Variants in SASH1 observed in about 807,000 individuals in gnomAD.
SASH1 encodes the protein SAM and SH3 domain-containing protein 1.
Under a neutral mutation model 125.2 loss-of-function variants are expected in SASH1, and 44 were observed. The ratio of observed to expected loss-of-function variants is 0.35; its 90% CI spans 0.28 to 0.45. The LOEUF (loss-of-function observed/expected upper bound fraction) is 0.45, where lower values mean the gene tolerates loss of function less well. SASH1 is among the 20% of genes least tolerant of loss of function. The probability of loss-of-function intolerance (pLI) is 1.00; values close to 1 mark genes in which losing one functional copy is unlikely to be tolerated. For missense variants in SASH1, 1,426 were observed against 1,614.5 expected (o/e 0.88, Z 2.00); for synonymous variants, 639 against 649.1 (o/e 0.98, Z 0.24).
chr6:148,459,227 T>C (rs538644179), intron 4 of SASH1, among the ~76,000 whole-genome samples: 85 of 152,084 alleles, frequency 5.6e-4, no homozygotes, highest in Non-Finnish European at 8.8e-4. Flanking sequence ...AAGAAAAATA[T>C]GGCCCAGATG....
the SASH1 span, among the ~76,000 whole-genome samples, chr6:148,212,973 T>C: frequency 6.6e-6 from 1 of 152,188 alleles, no homozygotes; most frequent in African/African-American, 2.4e-5. Flanking sequence ...GGGACATCAC[T>C]AAGCTTCTCC....
Position 148,440,220 on chromosome 6 carries a change from C to T in SASH1, c.322C>T (p.Arg108Trp), listed in dbSNP as rs183546632. The part of the protein sequence containing the change: ...PDASPTSLQL[R>W]SQIEESLGFC... ...TGCTAGCCCCACGTCACTTCAGCTG[C>T]GGTCCCAGATCGAAGTAAGCACAAT... The change falls in exon 3 of 20, where the codon CGG (arginine) becomes TGG (tryptophan). Residue 108 changes from arginine to tryptophan, a missense_variant. Coordinates refer to ENST00000367467, the MANE Select transcript of SASH1 (RefSeq NM_015278.5). 8.7e-6 allele frequency: 14 copies of T among 1,613,970 alleles called. No homozygotes were observed. The East Asian group carries it at 1.3e-4, about 15-fold the overall frequency.
At chr6:148,366,305 C>A (rs1197474845) in intron 1 of SASH1, among the ~76,000 whole-genome samples, 1 of 151,838 alleles carries the variant, frequency 6.6e-6, no homozygotes, top group Non-Finnish European at 1.5e-5. Context: ...CCAAAAAAAA[C>A]CCATAGAGAT....
intron 8 of SASH1, among the ~76,000 whole-genome samples, chr6:148,501,888 G>C (rs73015018): frequency 6.6e-6 from 1 of 152,144 alleles, no homozygotes; most frequent in African/African-American, 2.4e-5. Flanking sequence ...TCATGGGGGC[G>C]ATTAAAAACG....
At chr6:148,209,696 T>C in the SASH1 span, among the ~76,000 whole-genome samples, 2 of 152,152 alleles carry the variant, frequency 1.3e-5, no homozygotes, top group South Asian at 4.1e-4. Context: ...CTGGGAGAAA[T>C]GCATTTTAGC....
intron 1 of SASH1, among the ~76,000 whole-genome samples, chr6:148,292,400 G>T (rs1779659446): frequency 6.6e-6 from 1 of 152,158 alleles, no homozygotes; most frequent in Non-Finnish European, 1.5e-5. Context: ...TGGGATATGG[G>T]CTAATGGAGC....
the SASH1 span, among the ~76,000 whole-genome samples, chr6:148,218,177 A>G: frequency 6.6e-6 from 1 of 152,098 alleles, no homozygotes; most frequent in Non-Finnish European, 1.5e-5. Flanking sequence ...AAAGTCAAGC[A>G]CTTTTGAAAA....
rs1197585257 is a variant in SASH1 at position 148,451,556 on chromosome 6, G to A, written c.386+11149G>A. On this transcript the variant is annotated intron_variant, in intron 4 of 19. Coordinates refer to ENST00000367467, the MANE Select transcript of SASH1 (RefSeq NM_015278.5). Reference sequence around the variant, plus strand: ...GATGCGCCTGTAGTCCTAGCTACTCGGGAGGCTGAGGCAGGAAGATTGCTT... The same window carrying A: ...GATGCGCCTGTAGTCCTAGCTACTCAGGAGGCTGAGGCAGGAAGATTGCTT... 1.2e-4 allele frequency among the ~76,000 whole-genome samples: 19 copies of A among 152,248 alleles called. 1 individual carries two copies. In the South Asian group the frequency reaches 2.1e-3, roughly 17 times the overall value.
chr6:148,196,046 AT>A, the SASH1 span, among the ~76,000 whole-genome samples: 1 of 152,144 alleles, frequency 6.6e-6, no homozygotes, highest in South Asian at 2.1e-4. Flanking sequence ...GGCTCTGGTG[AT>A]TTCCTACAGA....
chr6:148,423,431 A>G (rs887126656), intron 2 of SASH1, among the ~76,000 whole-genome samples: 1 of 152,244 alleles, frequency 6.6e-6, no homozygotes, highest in African/African-American at 2.4e-5. Context: ...AAGTGGTTAA[A>G]TGTCATGATA....
rs147031624 is a variant in SASH1 at position 148,380,850 on chromosome 6, G to A, written c.157-9284G>A. Among the ~76,000 whole-genome samples, 622 of 152,224 alleles carry A rather than the reference G, an allele frequency of 4.1e-3. 1 individual carries two copies. The highest frequency in any genetic ancestry group is 6.6e-3 in the Non-Finnish European group (451 of 68,018). On this transcript the variant is annotated intron_variant, in intron 1 of 19. Transcript: ENST00000367467. Reference sequence around the variant, plus strand: ...TTCAACAAGTTCTCATGACTTAACCGTATGACTGCATTAAAATAAACTAAT... The same window carrying A: ...TTCAACAAGTTCTCATGACTTAACCATATGACTGCATTAAAATAAACTAAT...
chr6:148,393,695 A>G, intron 2 of SASH1: 1 of 985,286 alleles, frequency 1.0e-6, no homozygotes, highest in South Asian at 4.7e-5. Context: ...TCTGTTCCAA[A>G]ACCGCAGAAG....
upstream of SASH1, among the ~76,000 whole-genome samples, chr6:148,340,047 G>A (rs1416197106): frequency 6.6e-6 from 1 of 152,188 alleles, no homozygotes; most frequent in South Asian, 2.1e-4. Flanking sequence ...CTGGATTGGT[G>A]CTGGAGAGTC....
intron 1 of SASH1, among the ~76,000 whole-genome samples, chr6:148,360,162 A>C (rs1261920638): frequency 6.6e-6 from 1 of 151,630 alleles, no homozygotes; most frequent in Admixed American, 6.6e-5. Context: ...TCTGCATTCC[A>C]TGCTTCCTTG....
At chr6:148,262,718 A>C in the SASH1 span, among the ~76,000 whole-genome samples, 1 of 152,298 alleles carries the variant, frequency 6.6e-6, no homozygotes, top group East Asian at 1.9e-4. Context: ...CCCCATCTCT[A>C]GTAAAAATAC....
At chr6:148,299,385 C>T (rs998676708) in intron 1 of SASH1, among the ~76,000 whole-genome samples, 4 of 149,124 alleles carry the variant, frequency 2.7e-5, no homozygotes, top group Non-Finnish European at 4.4e-5. Context: ...AAAAGACTGT[C>T]GTTGGGTGCG....
the SASH1 span, among the ~76,000 whole-genome samples, chr6:148,217,062 G>T: frequency 6.6e-6 from 1 of 152,212 alleles, no homozygotes; most frequent in East Asian, 1.9e-4. Flanking sequence ...GATAGTAATA[G>T]CATCCCTCCA....
the SASH1 span, among the ~76,000 whole-genome samples, chr6:148,198,821 A>AGTTTT: frequency 1.3e-4 from 20 of 152,328 alleles, no homozygotes; most frequent in Admixed American, 4.6e-4. Flanking sequence ...ATCCAGGGAC[A>AGTTTT]GTTTTGTTTT....
rs760017089 is a variant in SASH1, at chr6:148,531,504, A to G, written c.1429-22A>G. 6 of 1,467,264 alleles carry G rather than the reference A, an allele frequency of 4.1e-6. No individual in the cohort carries two copies. The East Asian group carries it at 1.5e-4, about 37-fold the overall frequency. The allele number at this position is 1,467,264 out of a possible 1,614,324, so 90.9% of individuals were successfully genotyped here. A position where few individuals can be genotyped will look rare whatever the true frequency, so the allele number is the denominator to read the frequency against. On this transcript the variant is annotated intron_variant, in intron 12 of 19. Coordinates refer to ENST00000367467, the MANE Select transcript of SASH1 (RefSeq NM_015278.5). ...CCTGTCCACTCTGATGAACTTCTTCATTTTGTTGAAACCCATGGCAGGACT... is the reference window on the plus strand; with the variant it reads ...CCTGTCCACTCTGATGAACTTCTTCGTTTTGTTGAAACCCATGGCAGGACT...
Sources: gnomAD v4.1 joint callset for allele counts (sites outside exome capture counted in the v4.1 genomes callset) on GRCh38, gnomAD v4.1.1 for gene constraint, MANE v1.5 for transcripts, NCBI Gene and HGNC (gene_info 2026-07-23, HGNC 2026-07-21) for gene names.